The following ADAM10 variants were observed in gnomAD, a reference collection of about 807,000 sequenced individuals.
The protein encoded by ADAM10 is ADAM metallopeptidase domain 10.
ADAM10 carries 17 observed loss-of-function variants against 90.1 expected under a neutral mutation model. The ratio of observed to expected loss-of-function variants is 0.19; its 90% CI spans 0.13 to 0.28. The LOEUF (loss-of-function observed/expected upper bound fraction) is 0.28. ADAM10 is among the 10% of genes least tolerant of loss of function. The pLI is 1.00. For missense variants in ADAM10, 610 were observed against 914.3 expected (o/e 0.67, Z 4.29); for synonymous variants, 310 against 298.6 (o/e 1.04, Z -0.40).
chr15:58,725,037 A>C (rs1317203270), intron 1 of ADAM10, among the ~76,000 whole-genome samples: 1 of 151,628 alleles, frequency 6.6e-6, no homozygotes, highest in African/African-American at 2.4e-5. Context: ...CTAAATATAA[A>C]AACTAGCTGG....
chr15:58,612,590 G>C (rs1895473831), intron 11 of ADAM10, among the ~76,000 whole-genome samples: 2 of 152,142 alleles, frequency 1.3e-5, no homozygotes, highest in South Asian at 4.2e-4. Context: ...CAGACTTTGG[G>C]ATACCACCAA....
intron 14 of ADAM10, among the ~76,000 whole-genome samples, chr15:58,604,129 G>A (rs1289897745): frequency 6.6e-6 from 1 of 151,982 alleles, no homozygotes; most frequent in Non-Finnish European, 1.5e-5. Flanking sequence ...TGGGAAGCCG[G>A]GGCGGGTGGA....
intron 2 of ADAM10, among the ~76,000 whole-genome samples, chr15:58,683,395 G>A (rs1220613428): frequency 6.6e-6 from 1 of 152,092 alleles, no homozygotes; most frequent in African/African-American, 2.4e-5. Flanking sequence ...TCACACATTT[G>A]TGACATGAAT....
intron 2 of ADAM10, among the ~76,000 whole-genome samples, chr15:58,695,433 T>C (rs1247938004): frequency 6.6e-6 from 1 of 152,218 alleles, no homozygotes; most frequent in African/African-American, 2.4e-5. Flanking sequence ...AATACATAAA[T>C]TATGTTTATA....
chr15:58,710,853 T>C (rs1422280764), intron 2 of ADAM10, among the ~76,000 whole-genome samples: 2 of 152,238 alleles, frequency 1.3e-5, no homozygotes, highest in African/African-American at 4.8e-5. Flanking sequence ...CAAAGTCTGC[T>C]GGTTTGTCTA....
At chr15:58,608,173 T>C (rs2140995404) in intron 14 of ADAM10, among the ~76,000 whole-genome samples, 1 of 152,242 alleles carries the variant, frequency 6.6e-6, no homozygotes, top group African/African-American at 2.4e-5. Flanking sequence ...GCCCTGAAGT[T>C]CTAAATTGTT....
At chr15:58,714,774 A>T (rs1898601084) in intron 2 of ADAM10, among the ~76,000 whole-genome samples, 2 of 152,076 alleles carry the variant, frequency 1.3e-5, no homozygotes, top group South Asian at 4.1e-4. Context: ...AACAAATAAT[A>T]AATAATTTAT....
intron 5 of ADAM10, among the ~76,000 whole-genome samples, chr15:58,659,392 G>C (rs1044308198): frequency 3.3e-5 from 5 of 152,168 alleles, no homozygotes; most frequent in African/African-American, 1.2e-4. Flanking sequence ...GCCTAAGAAA[G>C]CTTCCTTCTA....
chr15:58,637,549 A>G (rs751959457), intron 8 of ADAM10, among the ~76,000 whole-genome samples: 14 of 152,172 alleles, frequency 9.2e-5, no homozygotes, highest in Non-Finnish European at 1.8e-4. Flanking sequence ...TTATATCAAA[A>G]TATTATAGCT....
At chr15:58,631,653 A>T (rs918354175) in intron 9 of ADAM10, among the ~76,000 whole-genome samples, 2 of 152,232 alleles carry the variant, frequency 1.3e-5, no homozygotes, top group African/African-American at 2.4e-5. Flanking sequence ...ACCTGGGACT[A>T]AAGGCCAGAC....
chr15:58,695,138 C>T (rs776756727), intron 2 of ADAM10, among the ~76,000 whole-genome samples: 3 of 152,182 alleles, frequency 2.0e-5, no homozygotes, highest in Non-Finnish European at 2.9e-5. Flanking sequence ...TCTTGGCACC[C>T]TTTTAGTTTG....
At chr15:58,659,971 G>A (rs563693655) in intron 5 of ADAM10, among the ~76,000 whole-genome samples, 261 of 152,188 alleles carry the variant, frequency 1.7e-3, no homozygotes, top group African/African-American at 5.0e-3. Flanking sequence ...CTTGTGATCC[G>A]CCTGCCTCGG....
chr15:58,635,153 T>C (rs937257527), intron 8 of ADAM10, among the ~76,000 whole-genome samples: 3 of 151,130 alleles, frequency 2.0e-5, no homozygotes, highest in Admixed American at 6.6e-5. Context: ...CAGGTGCCTG[T>C]AGCCCCAGCT....
intron 3 of ADAM10, among the ~76,000 whole-genome samples, chr15:58,680,334 G>A (rs1170060374): frequency 1.3e-5 from 2 of 152,108 alleles, no homozygotes; most frequent in East Asian, 3.9e-4. Context: ...TGTTTCCTAG[G>A]CTGGTCTGGA....
chr15:58,717,933 T>C (rs1245499154), intron 1 of ADAM10, among the ~76,000 whole-genome samples: 6 of 152,168 alleles, frequency 3.9e-5, no homozygotes, highest in Non-Finnish European at 8.8e-5. Flanking sequence ...GTTTGGATGT[T>C]AGCCATAGGT....
In ADAM10 at chr15:58,731,779, G is replaced by A. The variant is rs187338389; in HGVS notation, c.56-14052C>T. On this transcript the variant is annotated intron_variant, in intron 1 of 15. Transcript: ENST00000260408. ...TTCCAAGCAGGGTGTTTCTTTAAGA[G>A]TGTCACAGGTGAGAATTCCTAAGGC... 2.4e-3 allele frequency among the ~76,000 whole-genome samples: 367 copies of A among 152,312 alleles called. 2 individuals carry two copies. Among genetic ancestry groups the A allele is most frequent in the Non-Finnish European group, 2.2e-3 (147 of 68,022 alleles).
chr15:58,634,891 T>C (rs1490312208), intron 8 of ADAM10, among the ~76,000 whole-genome samples: 1 of 152,086 alleles, frequency 6.6e-6, no homozygotes, highest in African/African-American at 2.4e-5. Flanking sequence ...GTATTTAGAA[T>C]CCCTAATAAA....
intron 2 of ADAM10, among the ~76,000 whole-genome samples, chr15:58,714,026 G>A (rs902548909): frequency 6.6e-6 from 1 of 151,814 alleles, no homozygotes; most frequent in African/African-American, 2.4e-5. Context: ...TGATGGCCTC[G>A]ATCTCTTGAC....
chr15:58,624,049 G>A (rs1403043738), intron 10 of ADAM10, among the ~76,000 whole-genome samples: 3 of 151,658 alleles, frequency 2.0e-5, no homozygotes, highest in Non-Finnish European at 4.4e-5. Flanking sequence ...ACTTTGGGAG[G>A]CCGAGGCAGG....
Sources: allele counts gnomAD v4.1 joint callset (sites outside exome capture counted in the v4.1 genomes callset), GRCh38; gene constraint gnomAD v4.1.1; transcripts MANE v1.5; gene names NCBI Gene and HGNC (gene_info 2026-07-23, HGNC 2026-07-21).